Variants in FAM149A observed in about 807,000 individuals in gnomAD.
FAM149A encodes the protein protein FAM149A.
FAM149A carries 71 observed loss-of-function variants against 78.2 expected under a neutral mutation model. The ratio of observed to expected loss-of-function variants is 0.91; its 90% CI spans 0.75 to 1.11. The LOEUF is 1.11. Ranked by LOEUF, FAM149A falls within the 50% of genes least tolerant of loss-of-function variation. FAM149A has a pLI of 0.00. For synonymous variants in FAM149A, 446 were observed against 410.5 expected (o/e 1.09, Z -1.04); for missense variants, 1,036 against 971.0 (o/e 1.07, Z -0.89).
intron 1 of FAM149A, among the ~76,000 whole-genome samples, chr4:186,124,908 C>T (rs2099317663): frequency 6.6e-6 from 1 of 152,160 alleles, no homozygotes. Flanking sequence ...TATTTCTCCA[C>T]ATCCTCTCCA....
intron 13 of FAM149A, 57 bp downstream of exon 13, chr4:186,167,319 A>G (rs1312733489): frequency 6.9e-6 from 10 of 1,446,818 alleles, no homozygotes; most frequent in Non-Finnish European, 8.8e-6. Context: ...TTCAAGTTTC[A>G]GACAGTGAAA....
At chr4:186,168,152 C>T (rs1055993035) in intron 13 of FAM149A, among the ~76,000 whole-genome samples, 4 of 152,314 alleles carry the variant, frequency 2.6e-5, no homozygotes, top group Non-Finnish European at 5.9e-5. Context: ...GCCCTCCTGT[C>T]GTCCTGTAGC....
intron 1 of FAM149A, among the ~76,000 whole-genome samples, chr4:186,142,222 T>A (rs996358839): frequency 1.3e-5 from 2 of 152,190 alleles, no homozygotes; most frequent in South Asian, 2.1e-4. Flanking sequence ...ACCTCTCTTG[T>A]TGGACAGGTG....
chr4:186,113,811 C>T (rs1380005170), intron 1 of FAM149A, among the ~76,000 whole-genome samples: 1 of 150,190 alleles, frequency 6.7e-6, no homozygotes. Context: ...GCTTTACTTC[C>T]AAGTATGTGG....
intron 1 of FAM149A, among the ~76,000 whole-genome samples, chr4:186,106,023 G>A (rs1037081808): frequency 3.9e-5 from 6 of 152,182 alleles, no homozygotes; most frequent in Non-Finnish European, 8.8e-5. Flanking sequence ...GAATACACAC[G>A]TCTGCAGCAA....
At chr4:186,137,832 C>T (rs1264948692) in intron 1 of FAM149A, among the ~76,000 whole-genome samples, 1 of 151,512 alleles carries the variant, frequency 6.6e-6, no homozygotes. Context: ...ATAAATTTCA[C>T]CACTTAGGTA....
chr4:186,147,316 C>T (rs981152407), intron 1 of FAM149A, among the ~76,000 whole-genome samples: 7 of 152,162 alleles, frequency 4.6e-5, no homozygotes, highest in African/African-American at 1.4e-4. Flanking sequence ...GCCTGGAGGT[C>T]GAGCTTACAG....
chr4:186,157,620 C>A lies in FAM149A; in HGVS notation c.1476C>A (p.Val492=). Residue 492 remains valine, a synonymous_variant, in exon 8 of 14, where the codon GTC becomes GTA. Transcript: ENST00000389354. ...TGGCTGGAAACAGATTTCCGCACGT[C>A]CTCGTTCCACACGCTCACGCCGATG... 6.2e-7 allele frequency: 1 copy of A among 1,614,170 alleles called. No individual in the cohort carries two copies. Among genetic ancestry groups the A allele is most frequent in the African/African-American group, 1.3e-5 (1 of 75,068 alleles).
chr4:186,109,946 G>A (rs2099310508), intron 1 of FAM149A: 1 of 985,256 alleles, frequency 1.0e-6, no homozygotes, highest in African/African-American at 1.7e-5. Flanking sequence ...ACACCCAGAA[G>A]GAAATGCATT....
chr4:186,110,062 T>C (rs542172024), intron 1 of FAM149A: 1 of 985,416 alleles, frequency 1.0e-6, no homozygotes, highest in Non-Finnish European at 1.2e-6. Context: ...CTGTGATTTA[T>C]ATTCACATCT....
In FAM149A at chr4:186,105,220, G is replaced by GGGTAC; in HGVS notation, c.145_149dup (p.Ala51ValfsTer155). On this transcript the variant is annotated frameshift_variant, in exon 1 of 14. Transcript: ENST00000389354. LOFTEE classifies it high-confidence loss of function. ...GGGGCTCCAGGGCGGGCACCCCGTTGGGTACCGCCCCGACCCTCCTCCGCG... is the reference window on the plus strand; with the variant it reads ...GGGGCTCCAGGGCGGGCACCCCGTTGGGTACGGTACCGCCCCGACCCTCCTCCGCG... 1 of 1,266,548 alleles carries GGGTAC rather than the reference G, an allele frequency of 7.9e-7. No individual in the cohort carries two copies. The highest frequency in any genetic ancestry group is 1.3e-5 in the South Asian group (1 of 79,292). 78.5% of individuals were successfully genotyped at this position (1,266,548 alleles called of 1,614,324 possible). A position where few individuals can be genotyped will look rare whatever the true frequency, so the allele number is the denominator to read the frequency against.
intron 1 of FAM149A, among the ~76,000 whole-genome samples, chr4:186,140,214 A>G (rs1385404491): frequency 1.3e-5 from 2 of 152,128 alleles, no homozygotes; most frequent in Non-Finnish European, 2.9e-5. Context: ...TTTTTAGAGG[A>G]GTTGCTTATA....
intron 8 of FAM149A, among the ~76,000 whole-genome samples, chr4:186,159,718 T>G (rs1324478869): frequency 4.6e-5 from 7 of 152,226 alleles, no homozygotes; most frequent in Non-Finnish European, 7.4e-5. Context: ...TTGAATTGCA[T>G]TTTTATTGAG....
intron 1 of FAM149A, among the ~76,000 whole-genome samples, chr4:186,120,728 A>G (rs1351244038): frequency 1.5e-5 from 2 of 130,522 alleles, no homozygotes; most frequent in Non-Finnish European, 3.1e-5. Flanking sequence ...AGGGAGGTGG[A>G]GCTTGCAGTG....
chr4:186,128,906 G>A (rs1424049697), intron 1 of FAM149A, among the ~76,000 whole-genome samples: 3 of 151,426 alleles, frequency 2.0e-5, no homozygotes, highest in Non-Finnish European at 2.9e-5. Flanking sequence ...GTGTGTCTGG[G>A]TATGCGTCTT....
At chr4:186,166,835 A>G in intron 11 of FAM149A, 133 bp from the exon 12 acceptor site, 2 of 725,176 alleles carry the variant, frequency 2.8e-6, no homozygotes, top group East Asian at 5.2e-5. Context: ...TATCCTTAGG[A>G]GACCTGATCC....
intron 13 of FAM149A, chr4:186,169,383 G>A (rs964801044): frequency 1.0e-5 from 10 of 985,286 alleles, no homozygotes; most frequent in Non-Finnish European, 1.2e-5. Flanking sequence ...GCAATGAGGC[G>A]CGTGCCCCAT....
Position 186,172,992 on chromosome 4 carries a change from A to G in FAM149A, c.*1005A>G, listed in dbSNP as rs1314284579. Among the ~76,000 whole-genome samples, 1 of 111,824 alleles carries G rather than the reference A, an allele frequency of 8.9e-6. No individual in the cohort carries two copies. Among genetic ancestry groups the G allele is most frequent in the East Asian group, 2.2e-4 (1 of 4,486 alleles). The allele number at this position is 111,824 out of a possible 152,430, so 73.4% of individuals were successfully genotyped here. A position where few individuals can be genotyped will look rare whatever the true frequency, so the allele number is the denominator to read the frequency against. On this transcript the variant is annotated 3_prime_UTR_variant, in exon 14 of 14. Transcript: ENST00000389354. ...TTCAAGTCCTTACACTCATTTTTACATTCTCAAATCTCAAATCAGCTAATT... is the reference window on the plus strand; with the variant it reads ...TTCAAGTCCTTACACTCATTTTTACGTTCTCAAATCTCAAATCAGCTAATT...
chr4:186,111,872 G>A (rs969962206), intron 1 of FAM149A, among the ~76,000 whole-genome samples: 7 of 151,792 alleles, frequency 4.6e-5, no homozygotes, highest in African/African-American at 4.8e-5. Context: ...TTGCCTTGGC[G>A]ATGTGGGCTC....
Sources: allele counts gnomAD v4.1 joint callset (sites outside exome capture counted in the v4.1 genomes callset), GRCh38; gene constraint gnomAD v4.1.1; transcripts MANE v1.5; gene names NCBI Gene and HGNC (gene_info 2026-07-23, HGNC 2026-07-21).